The following KRR1 variants were observed in gnomAD, a reference collection of about 807,000 sequenced individuals.
The protein encoded by KRR1 is KRR1 small subunit processome component.
KRR1 carries 23 observed loss-of-function variants against 50.0 expected under a neutral mutation model. That is an observed-to-expected ratio of 0.46 (90% CI 0.33 to 0.65). The LOEUF is 0.65. Ranked by LOEUF, KRR1 falls within the 30% of genes least tolerant of loss-of-function variation. The pLI is 0.02. For missense variants in KRR1, 419 were observed against 442.4 expected (o/e 0.95, Z 0.47); for synonymous variants, 133 against 146.3 (o/e 0.91, Z 0.66).
intron 9 of KRR1, chr12:75,501,004 G>GT (rs1397755774): frequency 6.6e-6 from 1 of 151,952 alleles, no homozygotes; most frequent in Non-Finnish European, 1.5e-5. Flanking sequence ...AAATAATAAT[G>GT]TATTATATCT....
rs1474602192 is a variant in KRR1, at chr12:75,491,332, A to G, written c.*8477T>C. 1.3e-5 allele frequency: 2 copies of G among 152,200 alleles called. No individual in the cohort carries two copies. The highest frequency in any genetic ancestry group is 3.8e-4 in the East Asian group (2 of 5,200). The allele number at this position is 152,200 out of a possible 1,614,324, so 9.4% of individuals were successfully genotyped here. The stretch of plus-strand genomic sequence containing the variant: ...CACACACGGGTCAGCAACCTGCCCA[A>G]AGTTCTACAGTTAGTGACTATCACT... On this transcript the variant is annotated 3_prime_UTR_variant, in exon 10 of 10. Transcript: ENST00000229214.
Position 75,506,804 on chromosome 12 carries a change from G to C in KRR1, c.371C>G (p.Ala124Gly). The C allele has an allele frequency of 6.2e-7, 1 of 1,611,430 alleles. No homozygotes were observed. Among genetic ancestry groups the C allele is most frequent in the Non-Finnish European group, 8.5e-7 (1 of 1,179,010 alleles). ...IRARDLIKLL[A>G]RSVSFEQAVR... Reference sequence around the variant, plus strand: ...TACCTGTTCAAATGAAACACTCCTTGCTAACAGTTTTATCAGATCTCTGGC... The same window carrying C: ...TACCTGTTCAAATGAAACACTCCTTCCTAACAGTTTTATCAGATCTCTGGC... Residue 124 changes from alanine (A) to glycine (G), a missense_variant, in exon 3 of 10, where the codon GCA (alanine) becomes GGA (glycine). By Grantham distance (60) the Ala-to-Gly change is moderately conservative (BLOSUM62 0). Coordinates refer to ENST00000229214, the MANE Select transcript of KRR1 (RefSeq NM_007043.7).
chr12:75,508,369 A>T lies in KRR1; in HGVS notation c.163T>A (p.Leu55Met), dbSNP rs1172775521. The change falls in exon 2 of 10, where the codon TTG becomes ATG. Residue 55 changes from leucine to methionine, a missense_variant. Transcript: ENST00000229214. ...FSKEDNPRGL[L>M]EESSFATLFP... ...AAAGTTGCGAAACTGCTCTCCTCCA[A>T]AAGTCCTCTGGGATTGTCCTCTTTG... The T allele has an allele frequency of 6.2e-7, 1 of 1,613,410 alleles. No individual in the cohort carries two copies. The highest frequency in any genetic ancestry group is 8.5e-7 in the Non-Finnish European group (1 of 1,179,706).
In KRR1 at chr12:75,499,011, A is replaced by G; in HGVS notation, c.*798T>C. Reference sequence around the variant, plus strand: ...CAGGAAAGAAAAAACCCAAAAACCAACCTCATTCACATATGGCTTTTTTTT... The same window carrying G: ...CAGGAAAGAAAAAACCCAAAAACCAGCCTCATTCACATATGGCTTTTTTTT... On this transcript the variant is annotated 3_prime_UTR_variant, in exon 10 of 10. Coordinates refer to ENST00000229214, the MANE Select transcript of KRR1 (RefSeq NM_007043.7). 6.8e-7 allele frequency: 1 copy of G among 1,460,240 alleles called. No individual in the cohort carries two copies. The highest frequency in any genetic ancestry group is 9.2e-7 in the Non-Finnish European group (1 of 1,090,904). 90.5% of individuals were successfully genotyped at this position (1,460,240 alleles called of 1,614,324 possible).
intron 6 of KRR1, 160 bp from the exon 7 acceptor site, chr12:75,504,234 C>A: frequency 4.4e-6 from 2 of 449,456 alleles, no homozygotes; most frequent in Non-Finnish European, 7.9e-6. Context: ...TAGGTTATCA[C>A]AAACATGTAT....
At chr12:75,506,649 A>AT (rs746689663) in intron 3 of KRR1, 40 bp from the exon 4 acceptor site, 5 of 1,544,466 alleles carry the variant, frequency 3.2e-6, no homozygotes, top group Non-Finnish European at 1.7e-6. Flanking sequence ...CATTATCAAC[A>AT]TTTTTTACAA....
rs2046347770 is a variant in KRR1, at chr12:75,495,897, AC to A, written c.*3911del. ...TGGTCAAACAACAACAACAAAAAAAACTGTCAGAAACTGTAGACTAAGATTC... is the reference window on the plus strand; with the variant it reads ...TGGTCAAACAACAACAACAAAAAAAATGTCAGAAACTGTAGACTAAGATTC... On this transcript the variant is annotated 3_prime_UTR_variant, in exon 10 of 10. Coordinates refer to ENST00000229214, the MANE Select transcript of KRR1 (RefSeq NM_007043.7). 1 of 317,980 alleles carries A rather than the reference AC, an allele frequency of 3.1e-6. No individual in the cohort carries two copies. Among genetic ancestry groups the A allele is most frequent in the Non-Finnish European group, 5.7e-6 (1 of 174,762 alleles). 19.7% of individuals were successfully genotyped at this position (317,980 alleles called of 1,614,324 possible).
In KRR1 at chr12:75,490,980, A is replaced by G. The variant is rs1012877183; in HGVS notation, c.*8829T>C. 1 of 153,314 alleles carries G rather than the reference A, an allele frequency of 6.5e-6. No individual in the cohort carries two copies. Among genetic ancestry groups the G allele is most frequent in the African/African-American group, 2.4e-5 (1 of 41,450 alleles). 9.5% of individuals were successfully genotyped at this position (153,314 alleles called of 1,614,324 possible). On this transcript the variant is annotated 3_prime_UTR_variant, in exon 10 of 10. Coordinates refer to ENST00000229214, the MANE Select transcript of KRR1 (RefSeq NM_007043.7). ...TTTGACAGTTGTTTTTAAAACAGAT[A>G]TAGTTCCCACTTTGGGAAACAGGGC...
Position 75,499,940 on chromosome 12 carries a change from T to A in KRR1, c.1015A>T (p.Thr339Ser), listed in dbSNP as rs17853238. ...IVKPKEASTE[T>S]KIDVASIKEK... ...TTGATGCTGGCCACATCAATTTTAG[T>A]TTCAGTAGAAGCTAGACAAATTAAA... The change falls in exon 10 of 10, where the codon ACT (threonine) becomes TCT (serine). Residue 339 changes from threonine (T) to serine (S), a missense_variant. Physicochemically the swap from Thr to Ser is moderately conservative, Grantham distance 58. Coordinates refer to ENST00000229214, the MANE Select transcript of KRR1 (RefSeq NM_007043.7). The A allele has an allele frequency of 6.2e-7, 1 of 1,600,602 alleles. No homozygotes were observed.
Position 75,499,868 on chromosome 12 carries a change from C to T in KRR1, c.1087G>A (p.Ala363Thr). ...AKNKKLGALT[A>T]EEIALKMEAD... ...TCCATCTTAAGTGCAATTTCTTCAGCTGTAAGAGCTCCCAGTTTCTTATTC... is the reference window on the plus strand; with the variant it reads ...TCCATCTTAAGTGCAATTTCTTCAGTTGTAAGAGCTCCCAGTTTCTTATTC... The change falls in exon 10 of 10, where the codon GCT becomes ACT. Residue 363 changes from alanine to threonine, a missense_variant. By Grantham distance (58) the Ala-to-Thr change is moderately conservative. Coordinates refer to ENST00000229214, the MANE Select transcript of KRR1 (RefSeq NM_007043.7). 6.2e-7 allele frequency: 1 copy of T among 1,608,888 alleles called. No homozygotes were observed. The highest frequency in any genetic ancestry group is 8.5e-7 in the Non-Finnish European group (1 of 1,177,716).
At chr12:75,507,960 C>T (rs1042808105) in intron 2 of KRR1, among the ~76,000 whole-genome samples, 37 of 152,210 alleles carry the variant, frequency 2.4e-4, no homozygotes, top group African/African-American at 8.4e-4. Flanking sequence ...GGGACAGATA[C>T]ATGACAACTA....
intron 1 of KRR1, among the ~76,000 whole-genome samples, chr12:75,509,938 A>G (rs908047954): frequency 4.6e-5 from 7 of 152,066 alleles, no homozygotes; most frequent in African/African-American, 1.7e-4. Context: ...AACACTTCAA[A>G]GGCTATGGAT....
chr12:75,502,514 C>T (rs1304300581), intron 7 of KRR1: 1 of 153,474 alleles, frequency 6.5e-6, no homozygotes, highest in African/African-American at 2.4e-5. Flanking sequence ...ATTCAATATA[C>T]AGCCAACATG....
chr12:75,510,289 A>G (rs1416202554), intron 1 of KRR1, among the ~76,000 whole-genome samples: 1 of 152,232 alleles, frequency 6.6e-6, no homozygotes, highest in Non-Finnish European at 1.5e-5. Context: ...TTCACAACCT[A>G]GAGAAACCCT....
chr12:75,498,206 A>G lies in KRR1; in HGVS notation c.*1603T>C, dbSNP rs993460118. 6.6e-6 allele frequency: 1 copy of G among 152,428 alleles called. No individual in the cohort carries two copies. The highest frequency in any genetic ancestry group is 1.5e-5 in the Non-Finnish European group (1 of 68,224). The allele number at this position is 152,428 out of a possible 1,614,324, so 9.4% of individuals were successfully genotyped here. ...TCAAAATTTGAATAAAGCTCAGTGA[A>G]AGGAGGACAGTAATTAATGACTTGA... On this transcript the variant is annotated 3_prime_UTR_variant, in exon 10 of 10. Coordinates refer to ENST00000229214, the MANE Select transcript of KRR1 (RefSeq NM_007043.7).
chr12:75,509,413 T>C (rs955817810), intron 1 of KRR1, among the ~76,000 whole-genome samples: 8 of 152,220 alleles, frequency 5.3e-5, no homozygotes, highest in African/African-American at 1.9e-4. Flanking sequence ...AACACGTCAT[T>C]ACCCTATGTT....
In KRR1 at chr12:75,509,564, T is replaced by A. The variant is rs879088034; in HGVS notation, c.86-1118A>T. On this transcript the variant is annotated intron_variant, in intron 1 of 9. Coordinates refer to ENST00000229214, the MANE Select transcript of KRR1 (RefSeq NM_007043.7). ...AGAACACGAATTCCACAAAAGTGAT[T>A]ACTTATATACTATACACATTTCTTT... 3.3e-5 allele frequency among the ~76,000 whole-genome samples: 5 copies of A among 151,646 alleles called. 1 individual carries two copies. Among genetic ancestry groups the A allele is most frequent in the Admixed American group, 3.3e-4 (5 of 15,180 alleles).
At chr12:75,504,874 T>C (rs1033479044) in intron 6 of KRR1, among the ~76,000 whole-genome samples, 3 of 152,036 alleles carry the variant, frequency 2.0e-5, no homozygotes, top group African/African-American at 7.2e-5. Context: ...CTTAAATACA[T>C]GGGTTCATAA....
rs948756849 is a variant in KRR1, at chr12:75,497,946, C to T, written c.*1863G>A. 5 of 151,970 alleles carry T rather than the reference C, an allele frequency of 3.3e-5. No homozygotes were observed. In the East Asian group the frequency reaches 9.7e-4, roughly 29 times the overall value. 9.4% of individuals were successfully genotyped at this position (151,970 alleles called of 1,614,324 possible). ...CTCTTGATTTCATCGACATAACTGC[C>T]AAGAAAAGTGAGGGTAGCATATTTA... On this transcript the variant is annotated 3_prime_UTR_variant, in exon 10 of 10. Transcript: ENST00000229214.
Sources: allele counts gnomAD v4.1 joint callset (sites outside exome capture counted in the v4.1 genomes callset), GRCh38; gene constraint gnomAD v4.1.1; transcripts MANE v1.5; gene names NCBI Gene and HGNC (gene_info 2026-07-23, HGNC 2026-07-21).